The following GNAQ variants were observed in gnomAD, a reference collection of about 807,000 sequenced individuals.
GNAQ encodes the protein G protein subunit alpha q, also known as guanine nucleotide-binding protein G(q) subunit alpha.
Under a neutral mutation model 43.9 loss-of-function variants are expected in GNAQ, and 8 were observed. The observed-to-expected ratio is 0.18, with a 90% CI of 0.11 to 0.33. The LOEUF is 0.33. GNAQ is among the 10% of genes least tolerant of loss of function. The probability of loss-of-function intolerance (pLI) is 1.00; values close to 1 mark genes in which losing one functional copy is unlikely to be tolerated. For missense variants in GNAQ, 158 were observed against 450.8 expected (o/e 0.35, Z 5.88); for synonymous variants, 155 against 170.7 (o/e 0.91, Z 0.71).
intron 1 of GNAQ, among the ~76,000 whole-genome samples, chr9:77,955,967 CTA>C: frequency 1.3e-5 from 2 of 152,228 alleles, no homozygotes; most frequent in East Asian, 3.9e-4. Context: ...AATTTCTTGG[CTA>C]TCTTAGTGGG....
intron 2 of GNAQ, among the ~76,000 whole-genome samples, chr9:77,868,647 T>C (rs1487556258): frequency 6.6e-6 from 1 of 151,832 alleles, no homozygotes; most frequent in African/African-American, 2.4e-5. Flanking sequence ...AATACAAAAA[T>C]TAGCTGGGTG....
intron 2 of GNAQ, among the ~76,000 whole-genome samples, chr9:77,861,364 T>TG: frequency 6.6e-6 from 1 of 152,248 alleles, no homozygotes; most frequent in Admixed American, 6.5e-5. Context: ...CCCTTGCCAC[T>TG]CCCAAATCTC....
intron 2 of GNAQ, among the ~76,000 whole-genome samples, chr9:77,871,544 C>T (rs1168322803): frequency 6.6e-6 from 1 of 152,038 alleles, no homozygotes; most frequent in Non-Finnish European, 1.5e-5. Flanking sequence ...TCGGAGAGAT[C>T]CTCAACAGTG....
chr9:77,879,910 T>C (rs1828183529), intron 2 of GNAQ, among the ~76,000 whole-genome samples: 1 of 152,200 alleles, frequency 6.6e-6, no homozygotes, highest in Non-Finnish European at 1.5e-5. Flanking sequence ...TTAGCTGTAT[T>C]TTACAGCCCC....
chr9:77,763,399 G>A (rs1826086025), intron 5 of GNAQ, among the ~76,000 whole-genome samples: 1 of 152,184 alleles, frequency 6.6e-6, no homozygotes, highest in Admixed American at 6.5e-5. Context: ...ATCAAGACTG[G>A]AGGATCACTT....
At chr9:77,845,751 A>T (rs192577767) in intron 2 of GNAQ, among the ~76,000 whole-genome samples, 2 of 152,376 alleles carry the variant, frequency 1.3e-5, no homozygotes. Flanking sequence ...CAACAGATGG[A>T]AAGTGACTGA....
intron 2 of GNAQ, among the ~76,000 whole-genome samples, chr9:77,879,290 T>C (rs1452187066): frequency 6.6e-6 from 1 of 151,766 alleles, no homozygotes; most frequent in East Asian, 1.9e-4. Flanking sequence ...TGAGATGGAG[T>C]TTTTGCTCTG....
At chr9:77,941,529 G>A (rs1829315060) in intron 1 of GNAQ, among the ~76,000 whole-genome samples, 1 of 152,234 alleles carries the variant, frequency 6.6e-6, no homozygotes, top group South Asian at 2.1e-4. Context: ...GATTACAGGC[G>A]TGAGCCACCA....
In GNAQ at chr9:77,842,361, T is replaced by C. The variant is rs531838971; in HGVS notation, c.322-26591A>G. On this transcript the variant is annotated intron_variant, in intron 2 of 6. Coordinates refer to ENST00000286548, the MANE Select transcript of GNAQ (RefSeq NM_002072.5). ...GGTCTGATCAATCCTGACAGTACCA[T>C]GTGAGCAGAAGGGCACAGAATTGAC... 9.9e-5 allele frequency among the ~76,000 whole-genome samples: 15 copies of C among 152,258 alleles called. 1 individual carries two copies. The East Asian group carries it at 2.9e-3, about 29-fold the overall frequency.
chr9:77,870,509 G>A (rs757845240), intron 2 of GNAQ, among the ~76,000 whole-genome samples: 1 of 151,702 alleles, frequency 6.6e-6, no homozygotes, highest in Non-Finnish European at 1.5e-5. Context: ...TGTATTTTTA[G>A]TAGAGATGGG....
At chr9:77,832,174 G>C (rs1424718865) in intron 2 of GNAQ, among the ~76,000 whole-genome samples, 1 of 151,670 alleles carries the variant, frequency 6.6e-6, no homozygotes, top group African/African-American at 2.4e-5. Context: ...CAATGTACTG[G>C]AAATGACTTG....
At chr9:77,814,292 G>C (rs1826977044) in intron 3 of GNAQ, among the ~76,000 whole-genome samples, 1 of 152,132 alleles carries the variant, frequency 6.6e-6, no homozygotes, top group African/African-American at 2.4e-5. Flanking sequence ...GAGAATGGCA[G>C]AATGGAAGGC....
chr9:77,930,971 C>T (rs1829140783), intron 1 of GNAQ, among the ~76,000 whole-genome samples: 1 of 151,930 alleles, frequency 6.6e-6, no homozygotes, highest in South Asian at 2.1e-4. Flanking sequence ...GGGAACTGTG[C>T]ATGCGAAGGA....
intron 5 of GNAQ, among the ~76,000 whole-genome samples, chr9:77,747,258 A>G (rs1358764048): frequency 6.6e-6 from 1 of 152,194 alleles, no homozygotes; most frequent in Non-Finnish European, 1.5e-5. Flanking sequence ...TAAATGTAAC[A>G]GAAACATCAA....
intron 1 of GNAQ, among the ~76,000 whole-genome samples, chr9:77,937,250 G>A (rs1249472668): frequency 6.6e-6 from 1 of 151,784 alleles, no homozygotes; most frequent in African/African-American, 2.4e-5. Context: ...CACCAGCCTG[G>A]CCAACATAGT....
chr9:77,760,351 CG>C (rs1323729646), intron 5 of GNAQ, among the ~76,000 whole-genome samples: 1 of 152,104 alleles, frequency 6.6e-6, no homozygotes, highest in Non-Finnish European at 1.5e-5. Flanking sequence ...CGAGTGCAGG[CG>C]CGCGCCGCCA....
chr9:77,837,846 A>AG (rs1202692843), intron 2 of GNAQ, among the ~76,000 whole-genome samples: 5 of 103,112 alleles, frequency 4.8e-5, no homozygotes, highest in Non-Finnish European at 9.9e-5. Context: ...GAGTGATTTA[A>AG]ATTTTTTTTT....
At chr9:77,821,356 T>TC (rs1827109472) in intron 2 of GNAQ, among the ~76,000 whole-genome samples, 1 of 152,130 alleles carries the variant, frequency 6.6e-6, no homozygotes, top group African/African-American at 2.4e-5. Context: ...GAAATACCCC[T>TC]CCTTTATTGT....
intron 1 of GNAQ, among the ~76,000 whole-genome samples, chr9:77,935,201 C>T (rs1048540378): frequency 1.3e-5 from 2 of 152,146 alleles, no homozygotes; most frequent in African/African-American, 4.8e-5. Flanking sequence ...TTAGAACACA[C>T]ATGTACAAGC....
Sources: allele counts gnomAD v4.1 joint callset (sites outside exome capture counted in the v4.1 genomes callset), GRCh38; gene constraint gnomAD v4.1.1; transcripts MANE v1.5; gene names NCBI Gene and HGNC (gene_info 2026-07-23, HGNC 2026-07-21).